The following FBXO4 variants were observed in gnomAD, a reference collection of about 807,000 sequenced individuals.
FBXO4 encodes the protein F-box protein 4.
Under a neutral mutation model 43.7 loss-of-function variants are expected in FBXO4, and 36 were observed. The observed-to-expected ratio is 0.82, with a 90% CI of 0.63 to 1.09. The LOEUF is 1.09. Ranked by LOEUF, FBXO4 falls within the 50% of genes least tolerant of loss-of-function variation. The pLI is 0.00. For missense variants in FBXO4, 435 were observed against 474.1 expected, an observed-to-expected ratio of 0.92 and a Z score of 0.77; for synonymous variants, 180 against 165.6, an observed-to-expected ratio of 1.09 and a Z score of -0.67.
the FBXO4 span, among the ~76,000 whole-genome samples, chr5:42,023,452 G>A: frequency 6.6e-6 from 1 of 152,032 alleles, no homozygotes; most frequent in African/African-American, 2.4e-5. Context: ...AATCCTAGTA[G>A]CTTTGTTCCT....
the FBXO4 span, among the ~76,000 whole-genome samples, chr5:41,957,559 CTA>C: frequency 6.7e-6 from 1 of 150,350 alleles, no homozygotes; most frequent in African/African-American, 2.4e-5. Context: ...AATTATGTAT[CTA>C]TTATTTCATC....
the FBXO4 span, among the ~76,000 whole-genome samples, chr5:41,961,661 GA>G: frequency 5.3e-5 from 8 of 152,186 alleles, no homozygotes; most frequent in African/African-American, 1.9e-4. Flanking sequence ...TACCTGGAAT[GA>G]AACTATGTGC....
At chr5:42,023,571 A>G in the FBXO4 span, among the ~76,000 whole-genome samples, 2 of 151,934 alleles carry the variant, frequency 1.3e-5, no homozygotes, top group African/African-American at 4.8e-5. Flanking sequence ...TTTCCCATCC[A>G]GTTTCTAAGC....
the FBXO4 span, among the ~76,000 whole-genome samples, chr5:41,995,294 A>C: frequency 6.6e-6 from 1 of 152,156 alleles, no homozygotes. Flanking sequence ...AGGCAAACCC[A>C]TCCCTGGAGT....
the FBXO4 span, among the ~76,000 whole-genome samples, chr5:42,000,875 CAATT>C: frequency 1.3e-5 from 2 of 152,236 alleles, no homozygotes; most frequent in East Asian, 3.9e-4. Context: ...TGTCAATAAT[CAATT>C]GACTGTAAAT....
Position 41,934,325 on chromosome 5 carries a change from A to G in FBXO4, c.898+17A>G. On this transcript the variant is annotated intron_variant, in intron 5 of 6. Transcript: ENST00000281623. Reference sequence around the variant, plus strand: ...CTCATAAAAGTAAGTACTCATATGTACATTTTTAAGCACATTGTTCTTTTC... The same window carrying G: ...CTCATAAAAGTAAGTACTCATATGTGCATTTTTAAGCACATTGTTCTTTTC... 6.2e-7 allele frequency: 1 copy of G among 1,613,884 alleles called. No individual in the cohort carries two copies. Among genetic ancestry groups the G allele is most frequent in the Non-Finnish European group, 8.5e-7 (1 of 1,179,974 alleles).
rs997557508 is a variant in FBXO4 at position 41,925,366 on chromosome 5, C to T, written c.57C>T (p.Asp19=). Residue 19 remains aspartate, a synonymous_variant, in exon 1 of 7, where the codon GAC becomes GAT. Transcript: ENST00000281623. ...ACTCGCCGCCGCCGCCCTTCAGCGA[C>T]TGGGGCCGCCTGGAGGCGGCCATCC... The part of the protein sequence containing the change: ...GTNSPPPPFS[D]WGRLEAAILS... 21 of 1,374,502 alleles carry T rather than the reference C, an allele frequency of 1.5e-5. No homozygotes were observed. The East Asian group carries it at 3.7e-4, about 24-fold the overall frequency. 85.1% of individuals were successfully genotyped at this position (1,374,502 alleles called of 1,614,324 possible). A position where few individuals can be genotyped will look rare whatever the true frequency, so the allele number is the denominator to read the frequency against.
At chr5:42,016,999 C>G in the FBXO4 span, among the ~76,000 whole-genome samples, 1 of 151,938 alleles carries the variant, frequency 6.6e-6, no homozygotes, top group East Asian at 1.9e-4. Flanking sequence ...AATATTTAGA[C>G]AGTGTTTTAG....
At position 41,933,975 on chromosome 5, in the gene FBXO4, A is replaced by G. The variant is rs1221535660; in HGVS notation, c.676A>G (p.Asn226Asp). ...TGGATCAGGAGTCAATTTTCAGTTG[A>G]ACAACCAACATAAATTCAACATTCT... The part of the protein sequence containing the change: ...GIGSGVNFQL[N>D]NQHKFNILIL... The change falls in exon 4 of 7, where the codon AAC (asparagine) becomes GAC (aspartate). Residue 226 changes from asparagine (N) to aspartate (D), a missense_variant. Coordinates refer to ENST00000281623, the MANE Select transcript of FBXO4 (RefSeq NM_012176.3). 4 of 1,613,674 alleles carry G rather than the reference A, an allele frequency of 2.5e-6. No homozygotes were observed. Among genetic ancestry groups the G allele is most frequent in the Admixed American group, 3.3e-5 (2 of 60,010 alleles).
At chr5:42,028,601 C>T in the FBXO4 span, among the ~76,000 whole-genome samples, 1 of 151,764 alleles carries the variant, frequency 6.6e-6, no homozygotes, top group African/African-American at 2.4e-5. Context: ...CTCATCTCTT[C>T]CTTTTTTCTT....
chr5:41,976,079 C>T, the FBXO4 span, among the ~76,000 whole-genome samples: 1 of 152,166 alleles, frequency 6.6e-6, no homozygotes, highest in Non-Finnish European at 1.5e-5. Context: ...TGAGAACTCA[C>T]TCATCACCAG....
At chr5:42,013,515 G>A in the FBXO4 span, among the ~76,000 whole-genome samples, 1 of 152,116 alleles carries the variant, frequency 6.6e-6, no homozygotes, top group Non-Finnish European at 1.5e-5. Flanking sequence ...TTTGAACCTT[G>A]TTTCTTCCTT....
the FBXO4 span, chr5:41,967,990 C>A: frequency 2.2e-6 from 1 of 447,758 alleles, no homozygotes. Flanking sequence ...CAGGCATGGC[C>A]CTTTGTTGCC....
chr5:41,941,354 A>G lies in FBXO4; in HGVS notation c.*73A>G. On this transcript the variant is annotated 3_prime_UTR_variant, in exon 7 of 7. Coordinates refer to ENST00000281623, the MANE Select transcript of FBXO4 (RefSeq NM_012176.3). Reference sequence around the variant, plus strand: ...AAGGTCGTGATGTGAATATTTGCTCAGTCAGCCCACCTTGTCCTGCCTTTT... The same window carrying G: ...AAGGTCGTGATGTGAATATTTGCTCGGTCAGCCCACCTTGTCCTGCCTTTT... 7.5e-7 allele frequency: 1 copy of G among 1,336,820 alleles called. No individual in the cohort carries two copies. The highest frequency in any genetic ancestry group is 1.7e-5 in the Admixed American group (1 of 58,502). The allele number at this position is 1,336,820 out of a possible 1,614,324, so 82.8% of individuals were successfully genotyped here.
the FBXO4 span, among the ~76,000 whole-genome samples, chr5:41,978,706 T>A: frequency 6.6e-6 from 1 of 152,174 alleles, no homozygotes; most frequent in Non-Finnish European, 1.5e-5. Flanking sequence ...TTTCCCAAAT[T>A]TTTTCTTTCA....
Position 41,933,943 on chromosome 5 carries a change from T to C in FBXO4, c.647-3T>C, listed in dbSNP as rs573042538. 1.1e-5 allele frequency: 17 copies of C among 1,606,594 alleles called. No homozygotes were observed. In the African/African-American group the frequency reaches 2.1e-4, roughly 20 times the overall value. ...TTTTGGTAACTGTGATTTTCTTTCT[T>C]AGGTATTGGATCAGGAGTCAATTTT... On this transcript the variant is annotated splice_region_variant and splice_polypyrimidine_tract_variant and intron_variant, in intron 3 of 6. Coordinates refer to ENST00000281623, the MANE Select transcript of FBXO4 (RefSeq NM_012176.3).
chr5:41,957,554 T>C, the FBXO4 span, among the ~76,000 whole-genome samples: 5 of 150,934 alleles, frequency 3.3e-5, no homozygotes, highest in Admixed American at 2.0e-4. Flanking sequence ...AACATAATTA[T>C]GTATCTATTA....
chr5:41,959,037 T>C, the FBXO4 span, among the ~76,000 whole-genome samples: 1 of 152,226 alleles, frequency 6.6e-6, no homozygotes, highest in African/African-American at 2.4e-5. Flanking sequence ...AGTTCTTTTC[T>C]CTGCATCCTC....
chr5:41,930,732 A>G (rs1341933894), intron 3 of FBXO4, among the ~76,000 whole-genome samples: 1 of 147,400 alleles, frequency 6.8e-6, no homozygotes, highest in South Asian at 2.1e-4. Context: ...CAGTGGCGCG[A>G]TCTCGGCTCA....
Sources: allele counts gnomAD v4.1 joint callset (sites outside exome capture counted in the v4.1 genomes callset), GRCh38; gene constraint gnomAD v4.1.1; transcripts MANE v1.5; gene names NCBI Gene and HGNC (gene_info 2026-07-23, HGNC 2026-07-21).